RSPO2: variants seen among roughly 807,000 people sequenced by gnomAD.
RSPO2 encodes R-spondin-2.
A neutral mutation model predicts 30.9 loss-of-function variants in RSPO2; 14 were observed. The ratio of observed to expected loss-of-function variants is 0.45; its 90% confidence interval spans 0.30 to 0.71. The LOEUF is 0.71. Among genes scored for constraint, RSPO2 ranks in the 30% least tolerant of loss-of-function variants. RSPO2 has a pLI of 0.08. For synonymous variants in RSPO2, 107 were observed against 96.4 expected (o/e 1.11, Z -0.64); for missense variants, 264 against 301.9 (o/e 0.87, Z 0.93).
Position 108,082,707 on chromosome 8 carries a change from G to A in RSPO2, c.-69C>T, listed in dbSNP as rs1203182962. On this transcript the variant is annotated 5_prime_UTR_variant, in exon 2 of 6. Transcript: ENST00000276659. ...ACTGGAGGGTTCGCCCAAAGAGCCG[G>A]CGCCGGCCGCGCTGCTGGGGAGGAC... The A allele has an allele frequency of 3.7e-6, 5 of 1,337,516 alleles. No homozygotes were observed. The highest frequency in any genetic ancestry group is 1.1e-6 in the Non-Finnish European group (1 of 941,812). 82.9% of individuals were successfully genotyped at this position (1,337,516 alleles called of 1,614,324 possible).
intron 3 of RSPO2, among the ~76,000 whole-genome samples, chr8:107,988,129 G>C (rs1447044715): frequency 6.6e-6 from 1 of 151,924 alleles, no homozygotes; most frequent in Non-Finnish European, 1.5e-5. Context: ...GACTCATTCT[G>C]TAAGTGATTT....
intron 2 of RSPO2, among the ~76,000 whole-genome samples, chr8:108,064,922 G>C (rs948447716): frequency 2.6e-5 from 4 of 151,838 alleles, no homozygotes; most frequent in African/African-American, 9.7e-5. Context: ...CTATCACAGG[G>C]ACAAAGCCGA....
At chr8:108,018,955 C>A (rs1810977014) in intron 2 of RSPO2, among the ~76,000 whole-genome samples, 1 of 152,104 alleles carries the variant, frequency 6.6e-6, no homozygotes, top group African/African-American at 2.4e-5. Context: ...ACTTGTAGCA[C>A]TATATGTATG....
At chr8:108,060,273 C>A (rs1313701137) in intron 2 of RSPO2, among the ~76,000 whole-genome samples, 1 of 151,682 alleles carries the variant, frequency 6.6e-6, no homozygotes, top group Non-Finnish European at 1.5e-5. Context: ...CACAAAGAAG[C>A]TAAAAACCTT....
chr8:107,996,430 T>C (rs1815028378), intron 2 of RSPO2, among the ~76,000 whole-genome samples: 1 of 152,140 alleles, frequency 6.6e-6, no homozygotes, highest in Non-Finnish European at 1.5e-5. Context: ...CTCTGAAACA[T>C]ACTGACGAAC....
intron 2 of RSPO2, among the ~76,000 whole-genome samples, chr8:108,041,968 T>G (rs1194018626): frequency 6.6e-6 from 1 of 151,946 alleles, no homozygotes; most frequent in African/African-American, 2.4e-5. Context: ...TTTAAAAAAA[T>G]AGTAAAAATA....
At chr8:108,051,424 C>A (rs1223726656) in intron 2 of RSPO2, among the ~76,000 whole-genome samples, 5 of 152,170 alleles carry the variant, frequency 3.3e-5, no homozygotes, top group Admixed American at 1.3e-4. Context: ...TTCTTTGGAA[C>A]TGGCTGCTTT....
intron 2 of RSPO2, among the ~76,000 whole-genome samples, chr8:107,998,370 C>T (rs2130549655): frequency 6.6e-6 from 1 of 152,204 alleles, no homozygotes; most frequent in South Asian, 2.1e-4. Flanking sequence ...ATGTATACTA[C>T]CAAGCTCAAA....
chr8:107,921,081 T>C (rs906739193), intron 5 of RSPO2, among the ~76,000 whole-genome samples: 2 of 152,092 alleles, frequency 1.3e-5, no homozygotes, highest in African/African-American at 4.8e-5. Context: ...TTTATGTATA[T>C]AATTAGACAT....
At chr8:108,013,315 T>C (rs889315761) in intron 2 of RSPO2, among the ~76,000 whole-genome samples, 1 of 152,206 alleles carries the variant, frequency 6.6e-6, no homozygotes, top group Non-Finnish European at 1.5e-5. Flanking sequence ...GTTAATAAAT[T>C]CATCAGCCTG....
chr8:108,035,449 T>G (rs1027669496), intron 2 of RSPO2, among the ~76,000 whole-genome samples: 5 of 151,930 alleles, frequency 3.3e-5, no homozygotes, highest in African/African-American at 9.7e-5. Context: ...TGTTTTGTTT[T>G]TTTGTTTTGT....
At chr8:108,009,097 T>C (rs1344089428) in intron 2 of RSPO2, among the ~76,000 whole-genome samples, 1 of 152,170 alleles carries the variant, frequency 6.6e-6, no homozygotes, top group Non-Finnish European at 1.5e-5. Flanking sequence ...AAGGGACTGA[T>C]GATTTTAACA....
At chr8:107,981,735 C>T (rs1216770506) in intron 3 of RSPO2, among the ~76,000 whole-genome samples, 1 of 151,808 alleles carries the variant, frequency 6.6e-6, no homozygotes, top group Non-Finnish European at 1.5e-5. Flanking sequence ...CAGCTCACAC[C>T]CATAATCTCA....
intron 5 of RSPO2, among the ~76,000 whole-genome samples, chr8:107,903,110 AGT>A (rs1347664133): frequency 6.6e-6 from 1 of 152,136 alleles, no homozygotes; most frequent in African/African-American, 2.4e-5. Flanking sequence ...TCAATTATAA[AGT>A]GTTATGAAGA....
intron 2 of RSPO2, among the ~76,000 whole-genome samples, chr8:108,061,632 A>G (rs1384212333): frequency 2.0e-5 from 3 of 151,926 alleles, no homozygotes; most frequent in African/African-American, 7.3e-5. Context: ...TCAACGAGAC[A>G]GAAAGTTAAC....
At chr8:107,974,753 G>A (rs1204266578) in intron 3 of RSPO2, among the ~76,000 whole-genome samples, 1 of 152,056 alleles carries the variant, frequency 6.6e-6, no homozygotes, top group Non-Finnish European at 1.5e-5. Flanking sequence ...ATATAATTAA[G>A]TCTCTTCCAG....
At chr8:107,975,292 T>G (rs1252063770) in intron 3 of RSPO2, among the ~76,000 whole-genome samples, 1 of 152,264 alleles carries the variant, frequency 6.6e-6, no homozygotes, top group African/African-American at 2.4e-5. Flanking sequence ...TTACAGTTTT[T>G]CTCTTCCACA....
At chr8:107,983,242 G>A (rs1814513244) in intron 3 of RSPO2, 11 of 1,582,250 alleles carry the variant, frequency 7.0e-6, no homozygotes, top group Non-Finnish European at 9.4e-6. Flanking sequence ...GTATCTTTCT[G>A]AAGCTATGAA....
At chr8:107,911,651 A>G (rs1811831960) in intron 5 of RSPO2, among the ~76,000 whole-genome samples, 1 of 152,272 alleles carries the variant, frequency 6.6e-6, no homozygotes, top group African/African-American at 2.4e-5. Flanking sequence ...ATTATTTCTA[A>G]TCCTTACAGC....
Sources: allele counts gnomAD v4.1 joint callset (sites outside exome capture counted in the v4.1 genomes callset), GRCh38; gene constraint gnomAD v4.1.1; transcripts MANE v1.5; gene names NCBI Gene and HGNC (gene_info 2026-07-23, HGNC 2026-07-21).